AGMO: variants seen among roughly 807,000 people sequenced by gnomAD.
AGMO encodes the protein alkylglycerol monooxygenase.
Under a neutral mutation model 60.2 loss-of-function variants are expected in AGMO, and 75 were observed. The observed-to-expected ratio is 1.25, with a 90% CI of 1.03 to 1.51. The LOEUF is 1.51. Among genes scored for constraint, AGMO ranks in the 40% most tolerant of loss-of-function variants. AGMO has a pLI of 0.00. For synonymous variants in AGMO, 261 were observed against 177.1 expected (o/e 1.47, Z -3.76); for missense variants, 763 against 525.5 (o/e 1.45, Z -4.42).
chr7:15,183,821 A>AT, the AGMO span, among the ~76,000 whole-genome samples: 2 of 152,220 alleles, frequency 1.3e-5, no homozygotes, highest in Non-Finnish European at 2.9e-5. Flanking sequence ...TCAAATAAAA[A>AT]ATATATAAAC....
downstream of AGMO, among the ~76,000 whole-genome samples, chr7:15,196,876 G>A (rs948714997): frequency 1.3e-4 from 20 of 152,174 alleles, no homozygotes; most frequent in Non-Finnish European, 1.9e-4. Flanking sequence ...TGCTAGAGTT[G>A]TAGAATGTCA....
chr7:15,332,188 C>A (rs980197825), intron 12 of AGMO, among the ~76,000 whole-genome samples: 1 of 152,116 alleles, frequency 6.6e-6, no homozygotes, highest in African/African-American at 2.4e-5. Flanking sequence ...CAGTAATACT[C>A]TGGAGTTTAT....
chr7:15,198,069 CCTTTCCTCT>C (rs1183497739), downstream of AGMO, among the ~76,000 whole-genome samples: 2 of 152,144 alleles, frequency 1.3e-5, no homozygotes, highest in Non-Finnish European at 1.5e-5. Flanking sequence ...AACAAATGCT[CCTTTCCTCT>C]ATCTTTTCTT....
chr7:15,426,754 AAT>A (rs962799087), intron 4 of AGMO, among the ~76,000 whole-genome samples: 3 of 150,462 alleles, frequency 2.0e-5, no homozygotes, highest in Non-Finnish European at 4.5e-5. Flanking sequence ...TCAAAAAAAA[AAT>A]TTTTTTTTTG....
chr7:15,194,143 T>C, the AGMO span, among the ~76,000 whole-genome samples: 18 of 152,284 alleles, frequency 1.2e-4, no homozygotes, highest in East Asian at 3.1e-3. Flanking sequence ...AACTTTTTAA[T>C]TTGTAATGAT....
intron 12 of AGMO, among the ~76,000 whole-genome samples, chr7:15,273,603 G>C (rs193108735): frequency 1.3e-5 from 2 of 152,162 alleles, no homozygotes; most frequent in South Asian, 2.1e-4. Flanking sequence ...TTGGCAATTT[G>C]GGCTCTTTTT....
chr7:15,219,239 T>G (rs1699494285), intron 12 of AGMO, among the ~76,000 whole-genome samples: 1 of 152,220 alleles, frequency 6.6e-6, no homozygotes, highest in Non-Finnish European at 1.5e-5. Flanking sequence ...TACAGATCTT[T>G]GCACAATTAC....
chr7:15,439,194 C>G (rs1472215601), intron 3 of AGMO, among the ~76,000 whole-genome samples: 2 of 152,084 alleles, frequency 1.3e-5, no homozygotes, highest in South Asian at 4.1e-4. Flanking sequence ...GTCAAGAGAT[C>G]AAGACCATCC....
At position 15,494,503 on chromosome 7, in the gene AGMO, C is replaced by A. The variant is rs191841873; in HGVS notation, c.409+50269G>T. Among the ~76,000 whole-genome samples the A allele has an allele frequency of 1.5e-3, 226 of 152,226 alleles. 3 individuals carry two copies. The highest frequency in any genetic ancestry group is 6.4e-3 in the East Asian group (33 of 5,186). ...GTTTATACTAATTACTATGTGTCGG[C>A]TAAAATAGCTGGAGTGAACACTTTA... On this transcript the variant is annotated intron_variant, in intron 3 of 12. Coordinates refer to ENST00000342526, the MANE Select transcript of AGMO (RefSeq NM_001004320.2).
At chr7:15,212,171 T>C (rs1297069316) in intron 12 of AGMO, among the ~76,000 whole-genome samples, 1 of 151,644 alleles carries the variant, frequency 6.6e-6, no homozygotes, top group African/African-American at 2.4e-5. Flanking sequence ...AGTCACAAAA[T>C]AGTAACCCTT....
At chr7:15,385,398 A>G (rs964433442) in intron 10 of AGMO, 48 bp downstream of exon 10, 7 of 1,245,428 alleles carry the variant, frequency 5.6e-6, no homozygotes, top group Admixed American at 1.9e-5. Flanking sequence ...ATTTTCAAAC[A>G]AAGTAACAGA....
chr7:15,394,317 T>C (rs542476092), intron 5 of AGMO, 138 bp from the exon 6 acceptor site: 78 of 670,934 alleles, frequency 1.2e-4, no homozygotes, highest in Non-Finnish European at 1.6e-4. Flanking sequence ...TGGAAAAAAG[T>C]TCCACTGAAA....
At chr7:15,345,513 A>G (rs1223882647) in intron 12 of AGMO, among the ~76,000 whole-genome samples, 3 of 152,224 alleles carry the variant, frequency 2.0e-5, no homozygotes, top group African/African-American at 4.8e-5. Context: ...TGTGCTGTGC[A>G]TAACATTGAC....
chr7:15,518,030 A>C (rs1464553377), intron 3 of AGMO, among the ~76,000 whole-genome samples: 1 of 152,164 alleles, frequency 6.6e-6, no homozygotes, highest in African/African-American at 2.4e-5. Context: ...TGGTTTTCAC[A>C]GTGTAAAAAA....
At chr7:15,225,309 T>C (rs1280712679) in intron 12 of AGMO, among the ~76,000 whole-genome samples, 1 of 152,038 alleles carries the variant, frequency 6.6e-6, no homozygotes, top group East Asian at 1.9e-4. Context: ...TATAATTAGA[T>C]GATGGTAATC....
chr7:15,162,065 G>A, the AGMO span, among the ~76,000 whole-genome samples: 1 of 152,182 alleles, frequency 6.6e-6, no homozygotes, highest in African/African-American at 2.4e-5. Context: ...ATGATAGTGA[G>A]TGAGTTACCT....
At chr7:15,277,209 G>A (rs922429619) in intron 12 of AGMO, among the ~76,000 whole-genome samples, 42 of 152,126 alleles carry the variant, frequency 2.8e-4, no homozygotes, top group African/African-American at 9.4e-4. Flanking sequence ...TCGGGAGGCT[G>A]AGGCAGAATT....
At chr7:15,444,242 G>A (rs568797284) in intron 3 of AGMO, among the ~76,000 whole-genome samples, 1 of 152,162 alleles carries the variant, frequency 6.6e-6, no homozygotes, top group Non-Finnish European at 1.5e-5. Flanking sequence ...CTAAATACAT[G>A]TATTTTTGTT....
chr7:15,367,600 A>AATC, intron 10 of AGMO, among the ~76,000 whole-genome samples: 1 of 152,116 alleles, frequency 6.6e-6, no homozygotes, highest in Non-Finnish European at 1.5e-5. Context: ...CATATGAGCA[A>AATC]TAGATTTAAA....
Sources: allele counts gnomAD v4.1 joint callset (sites outside exome capture counted in the v4.1 genomes callset), GRCh38; gene constraint gnomAD v4.1.1; transcripts MANE v1.5; gene names NCBI Gene and HGNC (gene_info 2026-07-23, HGNC 2026-07-21).